Variants in ZNF804A observed in about 807,000 individuals in gnomAD.
ZNF804A encodes zinc finger protein 804A.
A neutral mutation model predicts 16.5 loss-of-function variants in ZNF804A; 2 were observed. The ratio of observed to expected loss-of-function variants is 0.12; its 90% confidence interval spans 0.05 to 0.38. ZNF804A has a LOEUF of 0.38. ZNF804A is among the 10% of genes least tolerant of loss of function. ZNF804A has a pLI of 0.99. For synonymous variants in ZNF804A, 534 were observed against 489.6 expected (o/e 1.09, Z -1.20); for missense variants, 1,473 against 1,390.7 (o/e 1.06, Z -0.94).
rs745533452 is a variant in ZNF804A at position 184,937,505 on chromosome 2, A to G, written c.2109A>G (p.Gln703=). 6.2e-7 allele frequency: 1 copy of G among 1,612,510 alleles called. No homozygotes were observed. The highest frequency in any genetic ancestry group is 1.1e-5 in the South Asian group (1 of 90,928). Reference sequence around the variant, plus strand: ...AGAACACAATACTTTTAAATGGACAATCAAATGCAACAATGATACATTCTG... The same window carrying G: ...AGAACACAATACTTTTAAATGGACAGTCAAATGCAACAATGATACATTCTG... The part of the protein sequence containing the change: ...CKKNTILLNG[Q]SNATMIHSGK... The change falls in exon 4 of 4, where the codon CAA becomes CAG. Residue 703 remains glutamine (Q), a synonymous_variant. Coordinates refer to ENST00000302277, the MANE Select transcript of ZNF804A (RefSeq NM_194250.2).
intron 1 of ZNF804A, among the ~76,000 whole-genome samples, chr2:184,852,348 A>G (rs1409101715): frequency 6.6e-6 from 1 of 151,148 alleles, no homozygotes; most frequent in Non-Finnish European, 1.5e-5. Flanking sequence ...AAGCAAAACT[A>G]TGGATAAAAG....
At chr2:184,890,557 C>A (rs1684965449) in intron 2 of ZNF804A, among the ~76,000 whole-genome samples, 1 of 151,946 alleles carries the variant, frequency 6.6e-6, no homozygotes, top group Non-Finnish European at 1.5e-5. Flanking sequence ...ACCTCATTAA[C>A]CCTGGTTGTA....
At chr2:184,824,308 C>T (rs1695128031) in intron 1 of ZNF804A, among the ~76,000 whole-genome samples, 1 of 152,104 alleles carries the variant, frequency 6.6e-6, no homozygotes, top group African/African-American at 2.4e-5. Context: ...AAATTCACAT[C>T]TCGTGTATGT....
At chr2:184,609,654 C>T (rs1691206139) in intron 1 of ZNF804A, among the ~76,000 whole-genome samples, 1 of 152,216 alleles carries the variant, frequency 6.6e-6, no homozygotes, top group South Asian at 2.1e-4. Flanking sequence ...ATAGCATTCT[C>T]ACATGATGGA....
At position 184,937,350 on chromosome 2, in the gene ZNF804A, T is replaced by C. The variant is rs773804217; in HGVS notation, c.1954T>C (p.Ser652Pro). Residue 652 changes from serine (S) to proline (P), a missense_variant, in exon 4 of 4, where the codon TCA becomes CCA. Physicochemically the swap from Ser to Pro is moderately conservative, Grantham distance 74. Transcript: ENST00000302277. ...TTTAGCTGCAGAGCAATTATTAGACTCACATCAGTTACTTGATAAAAGGCC... is the reference window on the plus strand; with the variant it reads ...TTTAGCTGCAGAGCAATTATTAGACCCACATCAGTTACTTGATAAAAGGCC... ...QYLAAEQLLD[S>P]HQLLDKRPKS... The C allele has an allele frequency of 1.2e-6, 2 of 1,613,722 alleles. No individual in the cohort carries two copies. Among genetic ancestry groups the C allele is most frequent in the Non-Finnish European group, 8.5e-7 (1 of 1,179,918 alleles).
intron 1 of ZNF804A, among the ~76,000 whole-genome samples, chr2:184,854,398 T>C (rs72905760): frequency 0.05 from 7,654 of 152,024 alleles, 253 homozygotes; most frequent in Middle Eastern, 0.078. Flanking sequence ...TAAAATGATA[T>C]GCATGCAGGC....
At chr2:184,677,500 A>G (rs1692458782) in intron 1 of ZNF804A, among the ~76,000 whole-genome samples, 1 of 152,016 alleles carries the variant, frequency 6.6e-6, no homozygotes, top group South Asian at 2.1e-4. Context: ...AATGTCAATA[A>G]TACTGAGTCT....
At chr2:184,635,423 ATAT>A (rs1691680046) in intron 1 of ZNF804A, among the ~76,000 whole-genome samples, 1 of 152,148 alleles carries the variant, frequency 6.6e-6, no homozygotes, top group Non-Finnish European at 1.5e-5. Context: ...GCTGTTCAAG[ATAT>A]TATTATCAAC....
intron 1 of ZNF804A, among the ~76,000 whole-genome samples, chr2:184,731,024 C>T (rs1693505420): frequency 6.6e-6 from 1 of 151,652 alleles, no homozygotes; most frequent in Non-Finnish European, 1.5e-5. Flanking sequence ...GGGTGGATCA[C>T]CTGAGGTCAG....
intron 1 of ZNF804A, among the ~76,000 whole-genome samples, chr2:184,634,332 T>C (rs1441526801): frequency 6.6e-6 from 1 of 152,194 alleles, no homozygotes; most frequent in East Asian, 1.9e-4. Flanking sequence ...TAGTAGGCAA[T>C]TGCCCCCCTC....
intron 1 of ZNF804A, among the ~76,000 whole-genome samples, chr2:184,744,837 G>A (rs569592403): frequency 1.3e-5 from 2 of 151,840 alleles, no homozygotes; most frequent in South Asian, 4.1e-4. Context: ...GTATAAATAT[G>A]CAGTTTATTT....
chr2:184,610,387 G>C (rs1324003199), intron 1 of ZNF804A, among the ~76,000 whole-genome samples: 1 of 152,178 alleles, frequency 6.6e-6, no homozygotes, highest in Non-Finnish European at 1.5e-5. Context: ...GAAACTCTGG[G>C]AGTTGCCAAA....
At position 184,937,576 on chromosome 2, in the gene ZNF804A, C is replaced by G; in HGVS notation, c.2180C>G (p.Thr727Ser). The G allele has an allele frequency of 6.2e-7, 1 of 1,612,128 alleles. No homozygotes were observed. Among genetic ancestry groups the G allele is most frequent in the Non-Finnish European group, 8.5e-7 (1 of 1,179,474 alleles). Reference sequence around the variant, plus strand: ...TCTAGAACTTACTGTTGTTGGAAAACCAAAATGTCAAGCTGTAGTCAGGAT... The same window carrying G: ...TCTAGAACTTACTGTTGTTGGAAAAGCAAAATGTCAAGCTGTAGTCAGGAT... ...TYSRTYCCWK[T>S]KMSSCSQDHR... is the part of the protein sequence containing the mutation. Residue 727 changes from threonine to serine, a missense_variant, in exon 4 of 4, where the codon ACC becomes AGC. Thr to Ser is a moderately conservative substitution (Grantham distance 58). Coordinates refer to ENST00000302277, the MANE Select transcript of ZNF804A (RefSeq NM_194250.2).
intron 1 of ZNF804A, among the ~76,000 whole-genome samples, chr2:184,787,770 A>G (rs574224639): frequency 5.3e-5 from 8 of 149,614 alleles, no homozygotes; most frequent in Admixed American, 5.3e-4. Context: ...TTGGAGACAT[A>G]ATTTGTAAAT....
intron 1 of ZNF804A, among the ~76,000 whole-genome samples, chr2:184,699,978 T>C (rs1372391717): frequency 6.6e-6 from 1 of 152,042 alleles, no homozygotes; most frequent in African/African-American, 2.4e-5. Context: ...ACCCTGCCTC[T>C]AAGAGCAGTG....
intron 1 of ZNF804A, among the ~76,000 whole-genome samples, chr2:184,696,985 G>A (rs1214851093): frequency 6.6e-6 from 1 of 151,650 alleles, no homozygotes; most frequent in Non-Finnish European, 1.5e-5. Context: ...TATATTTTAG[G>A]TTATTATTAT....
rs370271103 is a variant in ZNF804A at position 184,814,946 on chromosome 2, G to A, written c.112-51423G>A. On this transcript the variant is annotated intron_variant, in intron 1 of 3. Transcript: ENST00000302277. ...TAGCCCTTGTCTACATCACATTGTT[G>A]CTATCAAGAACAGACATTGCTAGCC... Among the ~76,000 whole-genome samples the A allele has an allele frequency of 6.1e-4, 93 of 152,048 alleles. 2 individuals are homozygous for A. The South Asian group carries it at 0.016, about 25-fold the overall frequency.
At chr2:184,846,867 G>A (rs1382046052) in intron 1 of ZNF804A, among the ~76,000 whole-genome samples, 1 of 152,078 alleles carries the variant, frequency 6.6e-6, no homozygotes, top group Non-Finnish European at 1.5e-5. Context: ...GCATTGTCTT[G>A]ATGATAAGTA....
chr2:184,679,815 G>C (rs1326668401), intron 1 of ZNF804A, among the ~76,000 whole-genome samples: 2 of 152,314 alleles, frequency 1.3e-5, no homozygotes, highest in Non-Finnish European at 2.9e-5. Context: ...GGCAAGAACA[G>C]TCTGGGCTCC....
Sources: gnomAD v4.1 joint callset for allele counts (sites outside exome capture counted in the v4.1 genomes callset) on GRCh38, gnomAD v4.1.1 for gene constraint, MANE v1.5 for transcripts, NCBI Gene and HGNC (gene_info 2026-07-23, HGNC 2026-07-21) for gene names.